FAM222A: variants seen among roughly 807,000 people sequenced by gnomAD.
FAM222A encodes family with sequence similarity 222 member A.
Under a neutral mutation model 25.8 loss-of-function variants are expected in FAM222A, and 7 were observed. That is an observed-to-expected ratio of 0.27 (90% confidence interval 0.15 to 0.51). FAM222A has a LOEUF of 0.51. Among genes scored for constraint, FAM222A ranks in the 20% least tolerant of loss-of-function variants. The probability of loss-of-function intolerance (pLI) is 0.97; values close to 1 mark genes in which losing one functional copy is unlikely to be tolerated. For synonymous variants in FAM222A, 294 were observed against 298.8 expected, an observed-to-expected ratio of 0.98 and a Z score of 0.17; for missense variants, 573 against 640.5, an observed-to-expected ratio of 0.89 and a Z score of 1.14.
In FAM222A at chr12:109,744,140, C is replaced by T; in HGVS notation, c.-7C>T. On this transcript the variant is annotated 5_prime_UTR_variant, in exon 2 of 3. Coordinates refer to ENST00000538780, the MANE Select transcript of FAM222A (RefSeq NM_032829.3). Reference sequence around the variant, plus strand: ...AGCGCACCCCACTGGGGACCCCCAGCTCAGCCATGCTGGCCTGTCTGCAGA... The same window carrying T: ...AGCGCACCCCACTGGGGACCCCCAGTTCAGCCATGCTGGCCTGTCTGCAGA... The T allele has an allele frequency of 2.5e-6, 4 of 1,612,462 alleles. No individual in the cohort carries two copies. Among genetic ancestry groups the T allele is most frequent in the African/African-American group, 1.3e-5 (1 of 75,042 alleles).
At chr12:109,737,272 C>T (rs922527602) in intron 1 of FAM222A, among the ~76,000 whole-genome samples, 1 of 152,050 alleles carries the variant, frequency 6.6e-6, no homozygotes, top group Non-Finnish European at 1.5e-5. Context: ...GGGAAGCCCA[C>T]CTCAGGACTC....
chr12:109,765,502 G>A, intron 2 of FAM222A, among the ~76,000 whole-genome samples: 1 of 152,192 alleles, frequency 6.6e-6, no homozygotes, highest in East Asian at 1.9e-4. Context: ...CTCTGCCTCA[G>A]GGCCTTTGCC....
rs559035558 is a variant in FAM222A, at chr12:109,757,851, G to A, written c.83-10161G>A. 9.8e-5 allele frequency among the ~76,000 whole-genome samples: 15 copies of A among 152,328 alleles called. 1 individual carries two copies. In the South Asian group the frequency reaches 3.1e-3, roughly 32 times the overall value. ...AGGTCTATGTCTGGAGAAGGCGAGAGATGAGGCCGGGCTGAAGGCAAAAGG... is the reference window on the plus strand; with the variant it reads ...AGGTCTATGTCTGGAGAAGGCGAGAAATGAGGCCGGGCTGAAGGCAAAAGG... On this transcript the variant is annotated intron_variant, in intron 2 of 2. Transcript: ENST00000538780.
At chr12:109,759,939 A>G (rs1888845279) in intron 2 of FAM222A, among the ~76,000 whole-genome samples, 1 of 152,236 alleles carries the variant, frequency 6.6e-6, no homozygotes, top group East Asian at 1.9e-4. Flanking sequence ...GGAGAAAAGT[A>G]GACCGACAGC....
intron 1 of FAM222A, chr12:109,720,142 C>T: frequency 1.0e-6 from 1 of 985,440 alleles, no homozygotes; most frequent in Non-Finnish European, 1.2e-6. Context: ...CTGGGCCAGT[C>T]CTGGCCCCAC....
intron 1 of FAM222A, among the ~76,000 whole-genome samples, chr12:109,719,743 A>G (rs906245407): frequency 3.9e-5 from 6 of 152,010 alleles, no homozygotes; most frequent in Admixed American, 1.3e-4. Flanking sequence ...AGCTTATAAG[A>G]TGGTGGAGGT....
intron 2 of FAM222A, among the ~76,000 whole-genome samples, chr12:109,761,135 C>T (rs1044812305): frequency 6.6e-6 from 1 of 152,180 alleles, no homozygotes; most frequent in Non-Finnish European, 1.5e-5. Context: ...TGGTGTGCCT[C>T]AGGCCACACA....
rs1007581428 is a variant in FAM222A, at chr12:109,769,693, G to GC, written c.*412dup. Reference sequence around the variant, plus strand: ...CCAGAGTCAGGGTGGGGGCAGGGCAGCCCCCCCAGGGGTCAGGCAGCTGTG... The same window carrying GC: ...CCAGAGTCAGGGTGGGGGCAGGGCAGCCCCCCCCAGGGGTCAGGCAGCTGTG... On this transcript the variant is annotated 3_prime_UTR_variant, in exon 3 of 3. Transcript: ENST00000538780. 5.2e-5 allele frequency: 11 copies of GC among 210,440 alleles called. No individual in the cohort carries two copies. Among genetic ancestry groups the GC allele is most frequent in the Middle Eastern group, 1.7e-3 (1 of 580 alleles). 13.0% of individuals were successfully genotyped at this position (210,440 alleles called of 1,614,324 possible). A position where few individuals can be genotyped will look rare whatever the true frequency, so the allele number is the denominator to read the frequency against.
intron 2 of FAM222A, among the ~76,000 whole-genome samples, chr12:109,762,352 C>T (rs923066867): frequency 6.6e-6 from 1 of 152,186 alleles, no homozygotes; most frequent in Non-Finnish European, 1.5e-5. Flanking sequence ...TTCGTCAGAA[C>T]GCAGTGGCCA....
intron 2 of FAM222A, among the ~76,000 whole-genome samples, chr12:109,745,920 T>A (rs890002135): frequency 6.6e-6 from 1 of 152,034 alleles, no homozygotes; most frequent in African/African-American, 2.4e-5. Flanking sequence ...TTTTTTTTTT[T>A]AATTGGGTGG....
chr12:109,751,311 T>TC (rs1888553606), intron 2 of FAM222A, among the ~76,000 whole-genome samples: 1 of 152,214 alleles, frequency 6.6e-6, no homozygotes, highest in Admixed American at 6.5e-5. Context: ...GAAATACTTG[T>TC]CTATGATCTT....
intron 1 of FAM222A, among the ~76,000 whole-genome samples, chr12:109,728,197 G>A (rs1489807150): frequency 6.6e-6 from 1 of 152,172 alleles, no homozygotes; most frequent in Non-Finnish European, 1.5e-5. Flanking sequence ...CAGTGGGTGG[G>A]TCGTGGGTGT....
At chr12:109,749,397 C>T (rs769346327) in intron 2 of FAM222A, among the ~76,000 whole-genome samples, 2 of 152,184 alleles carry the variant, frequency 1.3e-5, no homozygotes, top group South Asian at 2.1e-4. Context: ...TGAGCCACCA[C>T]GCCCAGCCTT....
intron 2 of FAM222A, among the ~76,000 whole-genome samples, chr12:109,766,310 G>A (rs1193142076): frequency 6.6e-6 from 1 of 152,256 alleles, no homozygotes; most frequent in Non-Finnish European, 1.5e-5. Flanking sequence ...GAGGGGCTAT[G>A]GATGGGGGCA....
At chr12:109,759,812 G>A (rs538013882) in intron 2 of FAM222A, among the ~76,000 whole-genome samples, 2 of 152,226 alleles carry the variant, frequency 1.3e-5, no homozygotes, top group Non-Finnish European at 2.9e-5. Flanking sequence ...TGGCCTTGGA[G>A]CCGCCATCCA....
intron 1 of FAM222A, among the ~76,000 whole-genome samples, chr12:109,731,339 A>G (rs1412186022): frequency 2.6e-5 from 4 of 152,156 alleles, no homozygotes; most frequent in Non-Finnish European, 4.4e-5. Flanking sequence ...CCTGTGGGAC[A>G]TTGGGTGCCC....
At chr12:109,764,906 C>T (rs564969337) in intron 2 of FAM222A, among the ~76,000 whole-genome samples, 5 of 152,336 alleles carry the variant, frequency 3.3e-5, no homozygotes, top group East Asian at 3.9e-4. Flanking sequence ...CCATTCTCCA[C>T]ACCGAGTTTA....
chr12:109,743,211 G>A (rs2136342580), intron 1 of FAM222A, among the ~76,000 whole-genome samples: 1 of 152,290 alleles, frequency 6.6e-6, no homozygotes, highest in African/African-American at 2.4e-5. Context: ...TCCCATTGGG[G>A]CCTCACAGGC....
chr12:109,768,885 G>T lies in FAM222A; in HGVS notation c.956G>T (p.Arg319Leu). Residue 319 changes from arginine to leucine, a missense_variant, in exon 3 of 3, where the codon CGG becomes CTG. Arg to Leu is a moderately radical substitution (Grantham distance 102, BLOSUM62 -2). Transcript: ENST00000538780. ...AAGTCCCCTGAGGCTTGCGGGGGCC[G>T]GGCATACGAGCGGGCCAGCGGGTCA... is the stretch of plus-strand genomic sequence containing the variant. ...ASKSPEACGG[R>L]AYERASGSPL... The T allele has an allele frequency of 6.3e-7, 1 of 1,581,586 alleles. No homozygotes were observed. Among genetic ancestry groups the T allele is most frequent in the Non-Finnish European group, 8.5e-7 (1 of 1,171,338 alleles).
Sources: allele counts gnomAD v4.1 joint callset (sites outside exome capture counted in the v4.1 genomes callset), GRCh38; gene constraint gnomAD v4.1.1; transcripts MANE v1.5; gene names NCBI Gene and HGNC (gene_info 2026-07-23, HGNC 2026-07-21).